The following HMGN1 variants were observed in gnomAD, a reference collection of about 807,000 sequenced individuals.
The protein encoded by HMGN1 is high mobility group nucleosome binding domain 1.
HMGN1 carries 9 observed loss-of-function variants against 18.4 expected under a neutral mutation model. That is an observed-to-expected ratio of 0.49 (90% CI 0.29 to 0.85). HMGN1 has a LOEUF of 0.85. Among genes scored for constraint, HMGN1 ranks in the 40% least tolerant of loss-of-function variants. HMGN1 has a pLI of 0.07. For missense variants in HMGN1, 151 were observed against 119.2 expected, an observed-to-expected ratio of 1.27 and a Z score of -1.24; for synonymous variants, 59 against 45.0, an observed-to-expected ratio of 1.31 and a Z score of -1.24.
chr21:39,348,929 G>A lies in HMGN1; in HGVS notation c.-12C>T. On this transcript the variant is annotated 5_prime_UTR_variant, in exon 1 of 6. Transcript: ENST00000380749. ...TTCCTCTTGGGCATCGTGGCGGCGGGGAAGGCGCGTGCCGGGTGCCTGCGG... is the reference window on the plus strand; with the variant it reads ...TTCCTCTTGGGCATCGTGGCGGCGGAGAAGGCGCGTGCCGGGTGCCTGCGG... 1 of 1,195,050 alleles carries A rather than the reference G, an allele frequency of 8.4e-7. No individual in the cohort carries two copies. The highest frequency in any genetic ancestry group is 1.0e-6 in the Non-Finnish European group (1 of 964,738). 74.0% of individuals were successfully genotyped at this position (1,195,050 alleles called of 1,614,324 possible).
intron 4 of HMGN1, chr21:39,347,811 G>C: frequency 2.7e-6 from 1 of 369,556 alleles, no homozygotes; most frequent in South Asian, 4.3e-5. Flanking sequence ...GAGTAGTGGC[G>C]GTTATTTTCT....
Position 39,345,136 on chromosome 21 carries a change from C to CACACACACACACACACACACACA in HMGN1, c.255+9_255+10insTGTGTGTGTGTGTGTGTGTGTGT, listed in dbSNP as rs770112104. ...ACACACACACACACACACACACACA[C>CACACACACACACACACACACACA]ACTTCTGACCTCCTCAGTCTTCGTT... On this transcript the variant is annotated intron_variant, in intron 5 of 5. Coordinates refer to ENST00000380749, the MANE Select transcript of HMGN1 (RefSeq NM_004965.7). 6 of 1,556,466 alleles carry CACACACACACACACACACACACA rather than the reference C, an allele frequency of 3.9e-6. No individual in the cohort carries two copies. The African/African-American group carries it at 5.6e-5, about 15-fold the overall frequency.
chr21:39,345,019 C>G, intron 5 of HMGN1, 127 bp downstream of exon 5: 1 of 1,113,948 alleles, frequency 9.0e-7, no homozygotes, highest in Non-Finnish European at 1.2e-6. Context: ...TTTGGGATAC[C>G]GTACAAAACT....
At chr21:39,346,107 T>C (rs2037044170) in intron 4 of HMGN1, 1 of 430,996 alleles carries the variant, frequency 2.3e-6, no homozygotes, top group African/African-American at 2.1e-5. Flanking sequence ...TTAGTAAGTA[T>C]ACAGCAGCAG....
intron 2 of HMGN1, 40 bp from the exon 3 acceptor site, chr21:39,348,491 C>T: frequency 6.2e-7 from 1 of 1,614,126 alleles, no homozygotes; most frequent in Non-Finnish European, 8.5e-7. Context: ...GAAGAGAAGG[C>T]AGGCCAGCGG....
chr21:39,348,078 C>T (rs1403579122), intron 4 of HMGN1: 2 of 899,494 alleles, frequency 2.2e-6, no homozygotes, highest in Non-Finnish European at 3.2e-6. Context: ...CGTCCTAAGT[C>T]TCCTAACATC....
intron 2 of HMGN1, 37 bp from the exon 3 acceptor site, chr21:39,348,488 A>C: frequency 6.2e-7 from 1 of 1,614,108 alleles, no homozygotes; most frequent in Non-Finnish European, 8.5e-7. Flanking sequence ...CGAGAAGAGA[A>C]GGCAGGCCAG....
intron 2 of HMGN1, 27 bp from the exon 3 acceptor site, chr21:39,348,478 CGAG>C: frequency 1.2e-6 from 2 of 1,614,102 alleles, no homozygotes; most frequent in Non-Finnish European, 1.7e-6. Context: ...GGAGAGTCAG[CGAG>C]AAGAGAAGGC....
intron 5 of HMGN1, among the ~76,000 whole-genome samples, chr21:39,344,799 T>C (rs2036985758): frequency 1.3e-5 from 2 of 151,830 alleles, no homozygotes. Context: ...TCATTAGAAA[T>C]GAAAGTGGGA....
rs905769153 is a variant in HMGN1, at chr21:39,349,078, G to A, written c.-161C>T. On this transcript the variant is annotated 5_prime_UTR_variant, in exon 1 of 6. Transcript: ENST00000380749. ...CTGAGACCCACAGCGGGGGCGGTGG[G>A]AGAACCGGATGGAACCGGATTGGGA... is the stretch of plus-strand genomic sequence containing the variant. The A allele has an allele frequency of 2.2e-5, 18 of 835,922 alleles. No individual in the cohort carries two copies. Among genetic ancestry groups the A allele is most frequent in the Non-Finnish European group, 2.6e-5 (17 of 644,768 alleles). 51.8% of individuals were successfully genotyped at this position (835,922 alleles called of 1,614,324 possible). A position where few individuals can be genotyped will look rare whatever the true frequency, so the allele number is the denominator to read the frequency against.
At chr21:39,346,350 C>G (rs1351275636) in intron 4 of HMGN1, 2 of 184,700 alleles carry the variant, frequency 1.1e-5, no homozygotes, top group Non-Finnish European at 2.3e-5. Context: ...GTATTTGAGA[C>G]AAAACTGCTA....
In HMGN1 at chr21:39,348,910, T is replaced by C. The variant is rs2037170532; in HGVS notation, c.8A>G (p.Lys3Arg). 12 of 1,175,480 alleles carry C rather than the reference T, an allele frequency of 1.0e-5. No individual in the cohort carries two copies. The East Asian group carries it at 4.0e-4, about 39-fold the overall frequency. 72.8% of individuals were successfully genotyped at this position (1,175,480 alleles called of 1,614,324 possible). Residue 3 changes from lysine (K) to arginine (R), a missense_variant, in exon 1 of 6, where the codon AAG (lysine) becomes AGG (arginine). By Grantham distance (26) the Lys-to-Arg change is conservative. Coordinates refer to ENST00000380749, the MANE Select transcript of HMGN1 (RefSeq NM_004965.7). The part of the protein sequence containing the change: MP[K>R]RKVSSAEGAA... ...GCCGCGGCCGCCGCTCACCTTCCTCTTGGGCATCGTGGCGGCGGGGAAGGC... is the reference window on the plus strand; with the variant it reads ...GCCGCGGCCGCCGCTCACCTTCCTCCTGGGCATCGTGGCGGCGGGGAAGGC...
chr21:39,345,744 C>T (rs1020338494), intron 4 of HMGN1: 54 of 986,730 alleles, frequency 5.5e-5, no homozygotes, highest in Middle Eastern at 2.4e-4. Context: ...TCTCGTCGAC[C>T]GTATTCCCAC....
Position 39,348,406 on chromosome 21 carries a change from G to A in HMGN1, c.78+16C>T. ...ACCCGCGGAAAACGAACGGTTACGGGGCTCGCTTTACTTACAGCTGACAAC... is the reference window on the plus strand; with the variant it reads ...ACCCGCGGAAAACGAACGGTTACGGAGCTCGCTTTACTTACAGCTGACAAC... On this transcript the variant is annotated intron_variant, in intron 3 of 5. Transcript: ENST00000380749. The A allele has an allele frequency of 2.5e-6, 4 of 1,614,152 alleles. No homozygotes were observed. Among genetic ancestry groups the A allele is most frequent in the Non-Finnish European group, 3.4e-6 (4 of 1,180,038 alleles).
chr21:39,342,861 G>A lies in HMGN1; in HGVS notation c.*251C>T. 1 of 1,455,938 alleles carries A rather than the reference G, an allele frequency of 6.9e-7. No homozygotes were observed. Among genetic ancestry groups the A allele is most frequent in the Admixed American group, 2.0e-5 (1 of 49,268 alleles). The allele number at this position is 1,455,938 out of a possible 1,614,324, so 90.2% of individuals were successfully genotyped here. ...GTTAAGCTGACACCCGAGACAGTCA[G>A]AGCCTCCCATAATTCAATATCCCAC... On this transcript the variant is annotated 3_prime_UTR_variant, in exon 6 of 6. Transcript: ENST00000380749.
chr21:39,348,774 C>T (rs2037162912), intron 1 of HMGN1, 129 bp downstream of exon 1: 2 of 1,070,722 alleles, frequency 1.9e-6, no homozygotes, highest in Admixed American at 4.2e-5. Context: ...CGCCTGCCCG[C>T]CCGCCGGTCT....
At chr21:39,345,109 TCACACACACACA>T (rs3067492) in intron 5 of HMGN1, 25 bp downstream of exon 5, 20 of 1,411,120 alleles carry the variant, frequency 1.4e-5, no homozygotes, top group South Asian at 7.9e-5. Context: ...GTCAAAGCAA[TCACACACACACA>T]CACACACACA....
At chr21:39,346,987 G>A (rs1370562832) in intron 4 of HMGN1, 6 of 151,836 alleles carry the variant, frequency 4.0e-5, no homozygotes, top group Non-Finnish European at 7.3e-5. Flanking sequence ...GATGGACAAA[G>A]ATAAATAAGG....
rs2037133534 is a variant in HMGN1, at chr21:39,348,312, G to A, written c.106C>T (p.Pro36Ser). The A allele has an allele frequency of 1.2e-6, 2 of 1,614,060 alleles. No individual in the cohort carries two copies. Among genetic ancestry groups the A allele is most frequent in the Non-Finnish European group, 1.7e-6 (2 of 1,180,002 alleles). ...AKPPAKVEAK[P>S]KKAAAKDKSS... is the part of the protein sequence containing the mutation. The stretch of plus-strand genomic sequence containing the variant: ...CTTACCTTCGCTGCTGCCTTTTTCG[G>A]CTTCGCTTCCACTTTTGCAGGAGGT... The change falls in exon 4 of 6, where the codon CCG (proline) becomes TCG (serine). Residue 36 changes from proline (P) to serine (S), a missense_variant. Transcript: ENST00000380749.
Sources: allele counts gnomAD v4.1 joint callset (sites outside exome capture counted in the v4.1 genomes callset), GRCh38; gene constraint gnomAD v4.1.1; transcripts MANE v1.5; gene names NCBI Gene and HGNC (gene_info 2026-07-23, HGNC 2026-07-21).